NXPE2: variants seen among roughly 807,000 people sequenced by gnomAD.
The protein encoded by NXPE2 is neurexophilin and PC-esterase domain family member 2, also known as NXPE family member 2.
NXPE2 carries 34 observed loss-of-function variants against 34.4 expected under a neutral mutation model. That is an observed-to-expected ratio of 0.99 (90% CI 0.75 to 1.31). The LOEUF (loss-of-function observed/expected upper bound fraction) is 1.31, where lower values mean the gene tolerates loss of function less well. NXPE2 is among the 40% of genes most tolerant of loss of function. The pLI is 0.00. For synonymous variants in NXPE2, 235 were observed against 231.3 expected, an observed-to-expected ratio of 1.02 and a Z score of -0.15; for missense variants, 649 against 672.5, an observed-to-expected ratio of 0.97 and a Z score of 0.39.
the NXPE2 span, among the ~76,000 whole-genome samples, chr11:114,523,346 G>A: frequency 6.6e-6 from 1 of 152,010 alleles, no homozygotes; most frequent in African/African-American, 2.4e-5. Flanking sequence ...GCTAAATCTT[G>A]ACGTTCTATC....
the NXPE2 span, among the ~76,000 whole-genome samples, chr11:114,757,947 G>A: frequency 2.3e-4 from 35 of 152,214 alleles, no homozygotes; most frequent in Non-Finnish European, 2.6e-4. Context: ...AGGAAATATA[G>A]GGCTGTTTTT....
chr11:114,571,746 C>G, the NXPE2 span, among the ~76,000 whole-genome samples: 100 of 152,290 alleles, frequency 6.6e-4, no homozygotes, highest in Non-Finnish European at 1.3e-3. Flanking sequence ...ACATCATGAA[C>G]TTCTGCTCCA....
the NXPE2 span, among the ~76,000 whole-genome samples, chr11:114,500,362 T>C: frequency 6.6e-6 from 1 of 152,132 alleles, no homozygotes; most frequent in South Asian, 2.1e-4. Context: ...TGATGGATAA[T>C]GATATTGAAC....
At chr11:114,707,515 C>T (rs1951498534), downstream of NXPE2, 2 of 326,514 alleles carry the variant, frequency 6.1e-6, no homozygotes, top group South Asian at 2.2e-5. Flanking sequence ...CTGACTCAGC[C>T]TCCCACGTAG....
chr11:114,555,156 C>T, the NXPE2 span, among the ~76,000 whole-genome samples: 3 of 151,746 alleles, frequency 2.0e-5, no homozygotes, highest in Non-Finnish European at 4.4e-5. Flanking sequence ...ATTTCTGGGG[C>T]ATTAACTGGG....
intron 2 of NXPE2, among the ~76,000 whole-genome samples, chr11:114,686,702 T>G (rs758118725): frequency 2.0e-5 from 3 of 152,150 alleles, no homozygotes; most frequent in Non-Finnish European, 4.4e-5. Flanking sequence ...AAACTGCTTT[T>G]CACAATGCCT....
chr11:114,551,266 C>T, the NXPE2 span: 1 of 1,318,228 alleles, frequency 7.6e-7, no homozygotes, highest in Non-Finnish European at 1.0e-6. Flanking sequence ...TCTGTACTCA[C>T]TCATTATTTT....
At chr11:114,586,306 G>C in the NXPE2 span, among the ~76,000 whole-genome samples, 1 of 152,112 alleles carries the variant, frequency 6.6e-6, no homozygotes, top group Non-Finnish European at 1.5e-5. Flanking sequence ...AATGAACCTC[G>C]GGTATTATCC....
the NXPE2 span, chr11:114,527,981 G>T: frequency 9.4e-7 from 1 of 1,062,822 alleles, no homozygotes; most frequent in South Asian, 1.6e-5. Context: ...TGTGAGTGAA[G>T]GAAAATTTTT....
At chr11:114,643,156 GC>G in the NXPE2 span, among the ~76,000 whole-genome samples, 2 of 151,882 alleles carry the variant, frequency 1.3e-5, no homozygotes, top group African/African-American at 4.8e-5. Context: ...CTGGATATTA[GC>G]CCTTTGTCAG....
chr11:114,546,408 A>G, the NXPE2 span, among the ~76,000 whole-genome samples: 26 of 152,286 alleles, frequency 1.7e-4, no homozygotes, highest in Non-Finnish European at 7.4e-5. Context: ...GATATTTTAC[A>G]TATAATTATA....
the NXPE2 span, among the ~76,000 whole-genome samples, chr11:114,618,705 C>T: frequency 1.3e-5 from 2 of 151,980 alleles, no homozygotes; most frequent in Non-Finnish European, 1.5e-5. Context: ...AGTGCTGTGT[C>T]GTGGGTAACA....
chr11:114,635,882 A>G, the NXPE2 span, among the ~76,000 whole-genome samples: 6 of 151,818 alleles, frequency 4.0e-5, no homozygotes, highest in Admixed American at 6.6e-5. Context: ...TTTTATCGAG[A>G]ATTTTTGCAT....
At chr11:114,662,659 G>A in the NXPE2 span, among the ~76,000 whole-genome samples, 188 of 152,188 alleles carry the variant, frequency 1.2e-3, no homozygotes, top group African/African-American at 4.3e-3. Flanking sequence ...TTGAGGGGAG[G>A]AGAGGGAAGA....
At chr11:114,481,113 C>G in the NXPE2 span, among the ~76,000 whole-genome samples, 2 of 152,146 alleles carry the variant, frequency 1.3e-5, no homozygotes, top group African/African-American at 4.8e-5. Context: ...GTGTTTAACC[C>G]TCAGGACCAG....
the NXPE2 span, among the ~76,000 whole-genome samples, chr11:114,718,683 T>C: frequency 2.6e-5 from 4 of 152,158 alleles, no homozygotes; most frequent in African/African-American, 9.6e-5. Context: ...TGGTCAAATA[T>C]GGGACAATTT....
chr11:114,761,298 T>C, the NXPE2 span, among the ~76,000 whole-genome samples: 1 of 152,200 alleles, frequency 6.6e-6, no homozygotes, highest in Non-Finnish European at 1.5e-5. Flanking sequence ...AGGAGAGCAG[T>C]ACGTTCAGCT....
At chr11:114,774,429 A>C in the NXPE2 span, among the ~76,000 whole-genome samples, 1 of 152,188 alleles carries the variant, frequency 6.6e-6, no homozygotes, top group African/African-American at 2.4e-5. Context: ...TTGTGAAGCA[A>C]GATGTGAAGG....
chr11:114,653,807 C>T, the NXPE2 span, among the ~76,000 whole-genome samples: 8 of 151,930 alleles, frequency 5.3e-5, no homozygotes, highest in East Asian at 3.9e-4. Context: ...GGATTACAGG[C>T]GTGAGCCACC....
Sources: gnomAD v4.1 joint callset for allele counts (sites outside exome capture counted in the v4.1 genomes callset) on GRCh38, gnomAD v4.1.1 for gene constraint, MANE v1.5 for transcripts, NCBI Gene and HGNC (gene_info 2026-07-23, HGNC 2026-07-21) for gene names.